Variants in NELL1 observed in about 807,000 individuals in gnomAD.
The protein encoded by NELL1 is neural EGFL like 1.
NELL1 carries 76 observed loss-of-function variants against 107.4 expected under a neutral mutation model. The observed-to-expected ratio is 0.71, with a 90% CI of 0.59 to 0.86. The LOEUF is 0.86. NELL1 is among the 40% of genes least tolerant of loss of function. The probability of loss-of-function intolerance (pLI) is 0.00; values close to 1 mark genes in which losing one functional copy is unlikely to be tolerated. For synonymous variants in NELL1, 353 were observed against 341.2 expected, an observed-to-expected ratio of 1.03 and a Z score of -0.38; for missense variants, 1,024 against 1,005.5, an observed-to-expected ratio of 1.02 and a Z score of -0.25.
rs868740832 is a variant in NELL1, at chr11:20,771,553, C to T, written c.185-12127C>T. Among the ~76,000 whole-genome samples, 21 of 152,180 alleles carry T rather than the reference C, an allele frequency of 1.4e-4. No homozygotes were observed. The South Asian group carries it at 1.5e-3, about 11-fold the overall frequency. ...TTAAAAGCACTTTCTAGTCTGATGA[C>T]GGGGAAGCCTAGATTCCTGATAGAA... On this transcript the variant is annotated intron_variant, in intron 2 of 19. Transcript: ENST00000357134.
In NELL1 at chr11:21,458,017, C is replaced by G. The variant is rs543669824; in HGVS notation, c.1646-76357C>G. 3.1e-3 allele frequency among the ~76,000 whole-genome samples: 223 copies of G among 70,984 alleles called. 1 individual carries two copies. Among genetic ancestry groups the G allele is most frequent in the Middle Eastern group, 0.013 (1 of 76 alleles). The allele number at this position is 70,984 out of a possible 152,430, so 46.6% of individuals were successfully genotyped here. On this transcript the variant is annotated intron_variant, in intron 15 of 19. Coordinates refer to ENST00000357134, the MANE Select transcript of NELL1 (RefSeq NM_006157.5). The stretch of plus-strand genomic sequence containing the variant: ...CTAATTGAGATGACAATAGGAAGAT[C>G]AGGTGATGGAGACCAAGGCCAAAGA...
intron 15 of NELL1, among the ~76,000 whole-genome samples, chr11:21,479,176 C>A (rs1590963855): frequency 6.6e-6 from 1 of 152,090 alleles, no homozygotes. Context: ...GTCTAGCAAT[C>A]CCACTTCTGG....
intron 3 of NELL1, among the ~76,000 whole-genome samples, chr11:20,845,721 C>T (rs1291735760): frequency 6.6e-6 from 1 of 152,140 alleles, no homozygotes; most frequent in Admixed American, 6.6e-5. Context: ...TGGCACATGA[C>T]AATCATTCAT....
At chr11:21,364,796 C>A (rs181964757) in intron 14 of NELL1, among the ~76,000 whole-genome samples, 16 of 152,254 alleles carry the variant, frequency 1.1e-4, no homozygotes, top group Non-Finnish European at 1.8e-4. Flanking sequence ...AGGTAACCAA[C>A]AAATCCAAGA....
intron 4 of NELL1, among the ~76,000 whole-genome samples, chr11:20,875,539 T>G (rs1264363079): frequency 6.6e-6 from 1 of 152,156 alleles, no homozygotes; most frequent in Non-Finnish European, 1.5e-5. Flanking sequence ...TCAAAACATC[T>G]CATGTATCCC....
In NELL1 at chr11:21,471,812, A is replaced by G. The variant is rs143034751; in HGVS notation, c.1646-62562A>G. 5.4e-3 allele frequency among the ~76,000 whole-genome samples: 825 copies of G among 152,234 alleles called. 5 individuals carry two copies. The highest frequency in any genetic ancestry group is 0.017 in the African/African-American group (707 of 41,572). Reference sequence around the variant, plus strand: ...ATTCACTGAACAAATACATGCACATACAGACATGCTTATTATGCATACATG... The same window carrying G: ...ATTCACTGAACAAATACATGCACATGCAGACATGCTTATTATGCATACATG... On this transcript the variant is annotated intron_variant, in intron 15 of 19. Coordinates refer to ENST00000357134, the MANE Select transcript of NELL1 (RefSeq NM_006157.5).
intron 14 of NELL1, among the ~76,000 whole-genome samples, chr11:21,238,152 G>T (rs371625666): frequency 6.6e-6 from 1 of 151,968 alleles, no homozygotes. Flanking sequence ...CCATTGACCA[G>T]GTTGCTCAGA....
chr11:21,016,676 T>C (rs959758383), intron 12 of NELL1, among the ~76,000 whole-genome samples: 18 of 152,084 alleles, frequency 1.2e-4, no homozygotes, highest in African/African-American at 4.3e-4. Flanking sequence ...ACATGTCCTA[T>C]CCTTGTTAAA....
chr11:20,802,544 T>C (rs912375100), intron 3 of NELL1, among the ~76,000 whole-genome samples: 2 of 152,142 alleles, frequency 1.3e-5, no homozygotes, highest in African/African-American at 4.8e-5. Context: ...CTTTCCAAAT[T>C]GTATATCGTT....
chr11:21,103,358 A>G (rs1854868166), intron 12 of NELL1, among the ~76,000 whole-genome samples: 1 of 152,210 alleles, frequency 6.6e-6, no homozygotes, highest in African/African-American at 2.4e-5. Flanking sequence ...CGAATTAACC[A>G]AGAAATGTGA....
chr11:21,451,666 A>G (rs934300916), intron 15 of NELL1, among the ~76,000 whole-genome samples: 5 of 152,222 alleles, frequency 3.3e-5, no homozygotes, highest in African/African-American at 1.2e-4. Context: ...ATGTAATATA[A>G]TGATTAAATG....
intron 12 of NELL1, among the ~76,000 whole-genome samples, chr11:20,984,707 C>T (rs1420280822): frequency 6.6e-6 from 1 of 151,990 alleles, no homozygotes; most frequent in Non-Finnish European, 1.5e-5. Flanking sequence ...TCATCACCAT[C>T]CTGTGTCCTC....
At chr11:20,967,598 C>T (rs1490500799) in intron 12 of NELL1, among the ~76,000 whole-genome samples, 1 of 152,144 alleles carries the variant, frequency 6.6e-6, no homozygotes, top group Non-Finnish European at 1.5e-5. Flanking sequence ...TCTGCTACAT[C>T]AGAAAGTCCT....
intron 15 of NELL1, among the ~76,000 whole-genome samples, chr11:21,496,941 A>C (rs1046750457): frequency 1.3e-5 from 2 of 151,862 alleles, no homozygotes; most frequent in Admixed American, 1.3e-4. Flanking sequence ...CTATGTCCCT[A>C]CAAAGGACAT....
At chr11:21,448,487 ATAGAT>A (rs1176620990) in intron 15 of NELL1, among the ~76,000 whole-genome samples, 2 of 152,234 alleles carry the variant, frequency 1.3e-5, no homozygotes, top group Non-Finnish European at 2.9e-5. Context: ...GCTGCATAAT[ATAGAT>A]TAAATACAGG....
chr11:20,960,332 C>A, intron 11 of NELL1, 100 bp from the exon 12 acceptor site: 1 of 1,208,242 alleles, frequency 8.3e-7, no homozygotes, highest in African/African-American at 1.5e-5. Flanking sequence ...AGTGTATTTT[C>A]CTGCATAGTG....
chr11:20,672,419 A>G (rs1222323800), intron 1 of NELL1, among the ~76,000 whole-genome samples: 1 of 152,222 alleles, frequency 6.6e-6, no homozygotes, highest in Non-Finnish European at 1.5e-5. Flanking sequence ...TATCAGGCAC[A>G]TTTTAATTAA....
At chr11:21,219,181 G>T (rs576797062) in intron 13 of NELL1, among the ~76,000 whole-genome samples, 1 of 151,890 alleles carries the variant, frequency 6.6e-6, no homozygotes, top group Admixed American at 6.6e-5. Context: ...TTTTAACTGG[G>T]GTGAGATAAT....
chr11:21,168,168 T>G (rs2133808678), intron 13 of NELL1, among the ~76,000 whole-genome samples: 1 of 151,902 alleles, frequency 6.6e-6, no homozygotes, highest in South Asian at 2.1e-4. Context: ...CCTAAAGCCA[T>G]AAAAATCACT....
Sources: allele counts gnomAD v4.1 joint callset (sites outside exome capture counted in the v4.1 genomes callset), GRCh38; gene constraint gnomAD v4.1.1; transcripts MANE v1.5; gene names NCBI Gene and HGNC (gene_info 2026-07-23, HGNC 2026-07-21).